Variants in COL4A2 observed in about 807,000 individuals in gnomAD.
COL4A2 encodes collagen type IV alpha 2 chain.
COL4A2 carries 99 observed loss-of-function variants against 200.2 expected under a neutral mutation model. The observed-to-expected ratio is 0.49, with a 90% CI of 0.42 to 0.58. The LOEUF (loss-of-function observed/expected upper bound fraction) is 0.58. Among genes scored for constraint, COL4A2 ranks in the 20% least tolerant of loss-of-function variants. The pLI is 0.00. For missense variants in COL4A2, 1,950 were observed against 2,314.1 expected, an observed-to-expected ratio of 0.84 and a Z score of 3.23; for synonymous variants, 897 against 900.6, an observed-to-expected ratio of 1.00 and a Z score of 0.07.
intron 35 of COL4A2, 32 bp from the exon 36 acceptor site, chr13:110,489,679 C>T: frequency 1.2e-6 from 2 of 1,613,660 alleles, no homozygotes; most frequent in Non-Finnish European, 1.7e-6. Flanking sequence ...GTGGAAAGTC[C>T]TGTTCTTAGC....
chr13:110,329,078 A>C (rs532621359), intron 3 of COL4A2, among the ~76,000 whole-genome samples: 1 of 152,366 alleles, frequency 6.6e-6, no homozygotes, highest in East Asian at 1.9e-4. Context: ...AATGTGTTTA[A>C]AGCCCATAAT....
chr13:110,308,506 A>G (rs1293708093), intron 3 of COL4A2, among the ~76,000 whole-genome samples: 1 of 152,018 alleles, frequency 6.6e-6, no homozygotes, highest in African/African-American at 2.4e-5. Flanking sequence ...GGAACTCGGG[A>G]GCTGGTGGGG....
intron 3 of COL4A2, among the ~76,000 whole-genome samples, chr13:110,333,474 T>C (rs1876021921): frequency 6.6e-6 from 1 of 152,334 alleles, no homozygotes; most frequent in African/African-American, 2.4e-5. Context: ...ACCTACAGGC[T>C]CCGTGAGCAC....
chr13:110,322,137 G>A (rs932939784), intron 3 of COL4A2, among the ~76,000 whole-genome samples: 1 of 152,196 alleles, frequency 6.6e-6, no homozygotes, highest in African/African-American at 2.4e-5. Flanking sequence ...GTCAGGTATT[G>A]CAAATCAGAG....
At chr13:110,389,560 G>C (rs1281206983) in intron 4 of COL4A2, among the ~76,000 whole-genome samples, 1 of 152,214 alleles carries the variant, frequency 6.6e-6, no homozygotes, top group Non-Finnish European at 1.5e-5. Context: ...GTCCTTCTCA[G>C]ACCCCTCTGT....
At chr13:110,399,421 C>T (rs535910874) in intron 4 of COL4A2, among the ~76,000 whole-genome samples, 1 of 152,338 alleles carries the variant, frequency 6.6e-6, no homozygotes, top group South Asian at 2.1e-4. Context: ...TTGACTTGGT[C>T]TGAGAATGAA....
At chr13:110,310,683 G>C (rs117217636) in intron 3 of COL4A2, among the ~76,000 whole-genome samples, 2,133 of 152,174 alleles carry the variant, frequency 0.014, 28 homozygotes, top group Non-Finnish European at 0.022. Flanking sequence ...ACTCTTTCCT[G>C]CGTAGGTCAG....
At chr13:110,410,299 C>T (rs985414617) in intron 4 of COL4A2, among the ~76,000 whole-genome samples, 8 of 152,200 alleles carry the variant, frequency 5.3e-5, no homozygotes, top group East Asian at 1.9e-4. Context: ...GTTCTCTAGG[C>T]GTTGTTGCCA....
rs535248866 is a variant in COL4A2 at position 110,354,664 on chromosome 13, C to G, written c.100-2808C>G. Among the ~76,000 whole-genome samples the G allele has an allele frequency of 4.7e-5, 7 of 149,354 alleles. No individual in the cohort carries two copies. In the East Asian group the frequency reaches 9.8e-4, roughly 21 times the overall value. ...ATAGTAGTAACTGATGCATCAGATA[C>G]TATATTAGGTAAAGAATTATAAGAA... On this transcript the variant is annotated intron_variant, in intron 3 of 47. Coordinates refer to ENST00000360467, the MANE Select transcript of COL4A2 (RefSeq NM_001846.4).
intron 4 of COL4A2, among the ~76,000 whole-genome samples, chr13:110,371,970 G>GGACAAGGCC (rs1341488594): frequency 5.9e-5 from 9 of 152,132 alleles, no homozygotes; most frequent in African/African-American, 2.2e-4. Context: ...AGGAGTGGGT[G>GGACAAGGCC]GACAAGGCCG....
chr13:110,432,020 G>A (rs1880699129), intron 10 of COL4A2, among the ~76,000 whole-genome samples: 1 of 152,178 alleles, frequency 6.6e-6, no homozygotes, highest in South Asian at 2.1e-4. Flanking sequence ...CACAGGGCCT[G>A]GGACCTTGCA....
At chr13:110,420,672 T>C (rs1452481895) in intron 4 of COL4A2, among the ~76,000 whole-genome samples, 1 of 152,234 alleles carries the variant, frequency 6.6e-6, no homozygotes, top group Non-Finnish European at 1.5e-5. Flanking sequence ...TCGGGACTTT[T>C]TGACTGAGGA....
rs561481697 is a variant in COL4A2 at position 110,489,926 on chromosome 13, A to G, written c.3346+141A>G. 3.1e-5 allele frequency: 25 copies of G among 808,144 alleles called. No individual in the cohort carries two copies. In the African/African-American group the frequency reaches 3.8e-4, roughly 12 times the overall value. 50.1% of individuals were successfully genotyped at this position (808,144 alleles called of 1,614,324 possible). ...AATGAGGTCTTCAAGTCCAATGTGC[A>G]AGAAAGACCGTCGTTTTTAATTAAG... On this transcript the variant is annotated intron_variant, in intron 36 of 47. Transcript: ENST00000360467.
chr13:110,374,472 A>G (rs561857218), intron 4 of COL4A2, among the ~76,000 whole-genome samples: 18 of 152,326 alleles, frequency 1.2e-4, no homozygotes, highest in African/African-American at 4.1e-4. Flanking sequence ...CTCTCCCTAA[A>G]CAAAATCACT....
At chr13:110,393,492 G>T (rs1879068345) in intron 4 of COL4A2, among the ~76,000 whole-genome samples, 1 of 151,896 alleles carries the variant, frequency 6.6e-6, no homozygotes, top group Non-Finnish European at 1.5e-5. Flanking sequence ...TGAGTAGTGA[G>T]GATTTTATTA....
chr13:110,379,209 G>A lies in COL4A2; in HGVS notation c.180+21657G>A, dbSNP rs116994512. Among the ~76,000 whole-genome samples the A allele has an allele frequency of 5.9e-3, 901 of 152,280 alleles. 5 individuals are homozygous for A. The highest frequency in any genetic ancestry group is 8.9e-3 in the Non-Finnish European group (606 of 68,026). ...GTTTCTGGCATCTGGTGGGGCACAG[G>A]GACGCTGCTACACATCCTATATGCA... On this transcript the variant is annotated intron_variant, in intron 4 of 47. Transcript: ENST00000360467.
At chr13:110,450,486 G>GC in intron 20 of COL4A2, 32 bp downstream of exon 20, 1 of 1,611,418 alleles carries the variant, frequency 6.2e-7, no homozygotes, top group African/African-American at 1.3e-5. Flanking sequence ...GGAGGGTGTA[G>GC]CCTAATGTTC....
rs71127938 is a variant in COL4A2 at position 110,424,640 on chromosome 13, C to CAA, written c.181-84_181-83dup. 1,123 of 698,166 alleles carry CAA rather than the reference C, an allele frequency of 1.6e-3. 1 individual carries two copies. The highest frequency in any genetic ancestry group is 3.8e-3 in the African/African-American group (210 of 54,804). The allele number at this position is 698,166 out of a possible 1,614,324, so 43.2% of individuals were successfully genotyped here. ...CCTGTAGATTATAGCTCTTTAAAAA[C>CAA]AAAAAAAAAAATGTAGTTTTGAAAG... On this transcript the variant is annotated intron_variant, in intron 4 of 47. Transcript: ENST00000360467.
intron 4 of COL4A2, among the ~76,000 whole-genome samples, chr13:110,372,014 T>A (rs895882579): frequency 2.7e-5 from 4 of 150,696 alleles, no homozygotes; most frequent in African/African-American, 9.7e-5. Context: ...GCTGGGAGAT[T>A]CCGCTCACCT....
Sources: allele counts gnomAD v4.1 joint callset (sites outside exome capture counted in the v4.1 genomes callset), GRCh38; gene constraint gnomAD v4.1.1; transcripts MANE v1.5; gene names NCBI Gene and HGNC (gene_info 2026-07-23, HGNC 2026-07-21).